Variants in SSBP2 observed in about 807,000 individuals in gnomAD.
The protein encoded by SSBP2 is single stranded DNA binding protein 2, also known as single-stranded DNA-binding protein 2.
Under a neutral mutation model 61.8 loss-of-function variants are expected in SSBP2, and 17 were observed. The ratio of observed to expected loss-of-function variants is 0.28; its 90% CI spans 0.19 to 0.41. SSBP2 has a LOEUF of 0.41. SSBP2 is among the 10% of genes least tolerant of loss of function. SSBP2 has a pLI of 1.00. For missense variants in SSBP2, 310 were observed against 458.7 expected (o/e 0.68, Z 2.96); for synonymous variants, 139 against 141.3 (o/e 0.98, Z 0.12).
chr5:81,453,383 A>G (rs1036286089), intron 10 of SSBP2, among the ~76,000 whole-genome samples: 30 of 152,262 alleles, frequency 2.0e-4, no homozygotes, highest in African/African-American at 7.2e-4. Context: ...AAATATAAAA[A>G]GTCAAGCAAG....
In SSBP2 at chr5:81,473,782, A is replaced by G; in HGVS notation, c.500-12T>C. On this transcript the variant is annotated splice_polypyrimidine_tract_variant and intron_variant, in intron 7 of 16. Coordinates refer to ENST00000320672, the MANE Select transcript of SSBP2 (RefSeq NM_012446.5). ...CATATTTGGATGTCCTAAAAAAAGT[A>G]TGAAGACATTAGCAAAGTAATGAGC... 1.2e-6 allele frequency: 2 copies of G among 1,613,402 alleles called. No homozygotes were observed. The highest frequency in any genetic ancestry group is 1.7e-6 in the Non-Finnish European group (2 of 1,179,412).
At chr5:81,649,703 C>A (rs940109008) in intron 2 of SSBP2, among the ~76,000 whole-genome samples, 2 of 151,506 alleles carry the variant, frequency 1.3e-5, no homozygotes, top group African/African-American at 4.8e-5. Context: ...AGTATCTATA[C>A]CCTAAATCTC....
intron 15 of SSBP2, 70 bp from the exon 16 acceptor site, chr5:81,428,753 G>A (rs3764985): frequency 0.18 from 192,565 of 1,074,586 alleles, 18,711 homozygotes; most frequent in Non-Finnish European, 0.2. Context: ...GTACTGTTTC[G>A]AATATTGAAA....
chr5:81,539,524 A>G (rs1771081939), intron 4 of SSBP2, among the ~76,000 whole-genome samples: 1 of 152,246 alleles, frequency 6.6e-6, no homozygotes, highest in Non-Finnish European at 1.5e-5. Flanking sequence ...AAATGCCATC[A>G]AACAGTATTG....
At chr5:81,562,420 C>A (rs1773117690) in intron 4 of SSBP2, among the ~76,000 whole-genome samples, 1 of 152,100 alleles carries the variant, frequency 6.6e-6, no homozygotes, top group South Asian at 2.1e-4. Flanking sequence ...AAGAGTACTG[C>A]ACTTTATAAG....
intron 4 of SSBP2, among the ~76,000 whole-genome samples, chr5:81,600,413 T>C (rs1401902137): frequency 6.6e-6 from 1 of 151,606 alleles, no homozygotes; most frequent in Non-Finnish European, 1.5e-5. Context: ...ATACAAAAAT[T>C]AGCTGGGCGT....
At chr5:81,505,336 A>G (rs1459506531) in intron 5 of SSBP2, among the ~76,000 whole-genome samples, 4 of 152,214 alleles carry the variant, frequency 2.6e-5, no homozygotes, top group Admixed American at 6.5e-5. Context: ...TATAGAACAT[A>G]AGACAAATTG....
chr5:81,489,172 T>A (rs1766663121), intron 6 of SSBP2, 78 bp downstream of exon 6: 2 of 1,276,176 alleles, frequency 1.6e-6, no homozygotes, highest in African/African-American at 1.5e-5. Flanking sequence ...TTTCATATTT[T>A]TACAGGATGA....
At chr5:81,750,919 AGTGCGTGCGTGAGTGTGCGCGC>A (rs1226971609) in intron 1 of SSBP2, 40 bp downstream of exon 1, 1 of 1,502,490 alleles carries the variant, frequency 6.7e-7, no homozygotes, top group African/African-American at 1.4e-5. Context: ...AGAGTGTGCG[AGTGCGTGCGTGAGTGTGCGCGC>A]GTGTGAAGGC....
At chr5:81,656,198 T>C (rs187580410) in intron 1 of SSBP2, among the ~76,000 whole-genome samples, 1 of 152,050 alleles carries the variant, frequency 6.6e-6, no homozygotes, top group Admixed American at 6.6e-5. Context: ...ACTACAGGTG[T>C]GCACCACCAC....
chr5:81,474,443 G>T, intron 7 of SSBP2, 53 bp downstream of exon 7: 1 of 1,493,982 alleles, frequency 6.7e-7, no homozygotes, highest in South Asian at 1.1e-5. Flanking sequence ...AGAGATAAAA[G>T]ATTTCCTCTA....
intron 5 of SSBP2, among the ~76,000 whole-genome samples, chr5:81,498,205 G>T (rs1330092655): frequency 2.6e-5 from 4 of 151,922 alleles, no homozygotes; most frequent in Non-Finnish European, 5.9e-5. Flanking sequence ...ACCATCTTTA[G>T]ATTAAAAACC....
chr5:81,702,252 TCCCA>T (rs1290849597), intron 1 of SSBP2, among the ~76,000 whole-genome samples: 10 of 152,078 alleles, frequency 6.6e-5, no homozygotes, highest in African/African-American at 2.4e-4. Context: ...ACACCTGTAG[TCCCA>T]GCTACTCAGG....
intron 4 of SSBP2, among the ~76,000 whole-genome samples, chr5:81,581,613 C>T (rs1019848472): frequency 6.6e-6 from 1 of 152,004 alleles, no homozygotes; most frequent in African/African-American, 2.4e-5. Context: ...CTCCTTATTG[C>T]CTAAAATTAA....
At chr5:81,647,714 T>C (rs1197869141) in intron 2 of SSBP2, among the ~76,000 whole-genome samples, 1 of 152,148 alleles carries the variant, frequency 6.6e-6, no homozygotes, top group Non-Finnish European at 1.5e-5. Context: ...CCTCAGTTTT[T>C]GTATTCAAAA....
At chr5:81,682,867 G>C (rs1752500474) in intron 1 of SSBP2, among the ~76,000 whole-genome samples, 1 of 152,042 alleles carries the variant, frequency 6.6e-6, no homozygotes, top group Non-Finnish European at 1.5e-5. Context: ...CTACATACTA[G>C]CAATGAACAA....
intron 2 of SSBP2, among the ~76,000 whole-genome samples, chr5:81,648,030 TA>T (rs1340766843): frequency 6.6e-6 from 1 of 152,062 alleles, no homozygotes; most frequent in East Asian, 1.9e-4. Context: ...CTTCCAGGAT[TA>T]AGTGAATTGA....
chr5:81,593,671 A>G (rs972428148), intron 4 of SSBP2, among the ~76,000 whole-genome samples: 1 of 152,238 alleles, frequency 6.6e-6, no homozygotes, highest in African/African-American at 2.4e-5. Flanking sequence ...GCCAGAAGAG[A>G]GTGGGGACCA....
chr5:81,700,000 C>T (rs1437328510), intron 1 of SSBP2, among the ~76,000 whole-genome samples: 3 of 151,902 alleles, frequency 2.0e-5, no homozygotes, highest in African/African-American at 7.3e-5. Flanking sequence ...TGCCACCACA[C>T]CTAGCTAAAT....
Sources: gnomAD v4.1 joint callset for allele counts (sites outside exome capture counted in the v4.1 genomes callset) on GRCh38, gnomAD v4.1.1 for gene constraint, MANE v1.5 for transcripts, NCBI Gene and HGNC (gene_info 2026-07-23, HGNC 2026-07-21) for gene names.